Variants in SDK1 observed in about 807,000 individuals in gnomAD.
SDK1 encodes sidekick cell adhesion molecule 1.
SDK1 carries 157 observed loss-of-function variants against 245.5 expected under a neutral mutation model. That is an observed-to-expected ratio of 0.64 (90% CI 0.56 to 0.73). SDK1 has a LOEUF of 0.73. SDK1 is among the 30% of genes least tolerant of loss of function. The pLI is 0.00. For missense variants in SDK1, 3,583 were observed against 3,002.3 expected (o/e 1.19, Z -4.52); for synonymous variants, 1,647 against 1,278.5 (o/e 1.29, Z -6.15).
intron 1 of SDK1, among the ~76,000 whole-genome samples, chr7:3,493,681 C>G (rs1015302814): frequency 1.3e-5 from 2 of 152,230 alleles, no homozygotes; most frequent in African/African-American, 4.8e-5. Context: ...TTCTCACTTT[C>G]AATTTCTCTC....
intron 1 of SDK1, among the ~76,000 whole-genome samples, chr7:3,469,219 T>A (rs1781106998): frequency 6.6e-6 from 1 of 152,106 alleles, no homozygotes; most frequent in African/African-American, 2.4e-5. Context: ...AGCCAGAAGT[T>A]CGAGACCAGC....
chr7:3,486,257 G>C (rs1412954583), intron 1 of SDK1, among the ~76,000 whole-genome samples: 1 of 143,070 alleles, frequency 7.0e-6, no homozygotes, highest in Non-Finnish European at 1.6e-5. Context: ...TTTAATATCT[G>C]AGGTTGTTTT....
intron 5 of SDK1, among the ~76,000 whole-genome samples, chr7:3,861,909 A>G (rs1176106855): frequency 6.6e-6 from 1 of 152,208 alleles, no homozygotes; most frequent in African/African-American, 2.4e-5. Context: ...AAACAATGCC[A>G]GGAGCTGTGG....
intron 1 of SDK1, among the ~76,000 whole-genome samples, chr7:3,365,882 C>CA (rs1271426108): frequency 6.6e-6 from 1 of 151,846 alleles, no homozygotes; most frequent in Non-Finnish European, 1.5e-5. Flanking sequence ...ACTAAAAATA[C>CA]AAAAAAATTA....
chr7:3,357,461 C>A (rs1441556065), intron 1 of SDK1, among the ~76,000 whole-genome samples: 2 of 149,316 alleles, frequency 1.3e-5, no homozygotes, highest in South Asian at 4.3e-4. Flanking sequence ...GGTGATCTTC[C>A]CACCTCAGTC....
chr7:3,407,646 T>C (rs1779088332), intron 1 of SDK1, among the ~76,000 whole-genome samples: 2 of 152,196 alleles, frequency 1.3e-5, no homozygotes, highest in South Asian at 4.1e-4. Flanking sequence ...ACCTACATTA[T>C]AAAATATTAT....
rs150205149 is a variant in SDK1 at position 4,166,670 on chromosome 7, G to A, written c.4800+4814G>A. Among the ~76,000 whole-genome samples the A allele has an allele frequency of 9.8e-5, 15 of 152,356 alleles. No homozygotes were observed. The East Asian group carries it at 2.9e-3, about 29-fold the overall frequency. On this transcript the variant is annotated intron_variant, in intron 32 of 44. Transcript: ENST00000404826. ...AGAAGGCACAGGATGGAAAGTGAAA[G>A]CTCAGATGGTTTCACTGAGCTTCCG...
chr7:3,921,428 T>C (rs1355903823), intron 5 of SDK1, among the ~76,000 whole-genome samples: 1 of 152,234 alleles, frequency 6.6e-6, no homozygotes, highest in African/African-American at 2.4e-5. Flanking sequence ...CAAATATTCT[T>C]GTAGCTACAT....
intron 40 of SDK1, among the ~76,000 whole-genome samples, chr7:4,223,859 C>T (rs1785269565): frequency 6.6e-6 from 1 of 152,160 alleles, no homozygotes; most frequent in African/African-American, 2.4e-5. Context: ...GACTTCCCCG[C>T]CATTGCAGAT....
At chr7:4,203,403 G>T (rs1289560345) in intron 35 of SDK1, among the ~76,000 whole-genome samples, 1 of 152,148 alleles carries the variant, frequency 6.6e-6, no homozygotes, top group Non-Finnish European at 1.5e-5. Flanking sequence ...CTTAGCGTGA[G>T]ACCCCAGAGA....
chr7:3,362,798 C>T (rs1235823158), intron 1 of SDK1, among the ~76,000 whole-genome samples: 2 of 152,036 alleles, frequency 1.3e-5, no homozygotes, highest in Admixed American at 6.6e-5. Flanking sequence ...ATTATTTATA[C>T]TTTTATAGTT....
intron 5 of SDK1, among the ~76,000 whole-genome samples, chr7:3,875,659 G>T (rs879013524): frequency 2.0e-5 from 3 of 152,190 alleles, no homozygotes; most frequent in Non-Finnish European, 4.4e-5. Flanking sequence ...ACTCGGGTAG[G>T]AAAGATTGGC....
intron 6 of SDK1, among the ~76,000 whole-genome samples, chr7:3,951,383 G>A (rs767430956): frequency 8.5e-5 from 13 of 152,092 alleles, no homozygotes; most frequent in Non-Finnish European, 1.5e-4. Context: ...CTTAGCGGTC[G>A]CTCCAGAATC....
chr7:3,630,438 C>G lies in SDK1; in HGVS notation c.459-8566C>G, dbSNP rs929231004. ...CAACATATAAGAATTAATTATATTT[C>G]TGTGTACTAGCAAACAAATCTGAAA... On this transcript the variant is annotated intron_variant, in intron 2 of 44. Transcript: ENST00000404826. Among the ~76,000 whole-genome samples, 10 of 152,118 alleles carry G rather than the reference C, an allele frequency of 6.6e-5. No homozygotes were observed. The East Asian group carries it at 1.9e-3, about 29-fold the overall frequency.
chr7:3,930,963 A>G (rs1779955851), intron 5 of SDK1, among the ~76,000 whole-genome samples: 3 of 152,250 alleles, frequency 2.0e-5, no homozygotes, highest in Admixed American at 1.3e-4. Context: ...TTGTAAAAGA[A>G]CAGTGATTTT....
At chr7:3,855,533 A>AT (rs374413245) in intron 5 of SDK1, among the ~76,000 whole-genome samples, 3,758 of 152,280 alleles carry the variant, frequency 0.025, 153 homozygotes, top group African/African-American at 0.086. Context: ...CCTAGGATGT[A>AT]TCAACAGAAG....
chr7:3,956,384 T>A (rs1781262726), intron 7 of SDK1, among the ~76,000 whole-genome samples: 1 of 152,060 alleles, frequency 6.6e-6, no homozygotes, highest in African/African-American at 2.4e-5. Context: ...GGGGAGAAAC[T>A]CCATCTGAGC....
intron 1 of SDK1, among the ~76,000 whole-genome samples, chr7:3,329,611 A>G (rs989364709): frequency 2.6e-5 from 4 of 152,194 alleles, no homozygotes; most frequent in African/African-American, 9.6e-5. Context: ...ATTTCATATA[A>G]GTAGAATCAT....
intron 4 of SDK1, among the ~76,000 whole-genome samples, chr7:3,754,354 C>A (rs1779857748): frequency 6.6e-6 from 1 of 152,114 alleles, no homozygotes; most frequent in Non-Finnish European, 1.5e-5. Context: ...TAATTTAGCC[C>A]ATATTAATAT....
Sources: allele counts gnomAD v4.1 joint callset (sites outside exome capture counted in the v4.1 genomes callset), GRCh38; gene constraint gnomAD v4.1.1; transcripts MANE v1.5; gene names NCBI Gene and HGNC (gene_info 2026-07-23, HGNC 2026-07-21).